VPS13B: variants seen among roughly 807,000 people sequenced by gnomAD.
The protein encoded by VPS13B is intermembrane lipid transfer protein VPS13B.
Under a neutral mutation model 426.4 loss-of-function variants are expected in VPS13B, and 285 were observed. The observed-to-expected ratio is 0.67, with a 90% CI of 0.61 to 0.74. VPS13B has a LOEUF of 0.74. Ranked by LOEUF, VPS13B falls within the 30% of genes least tolerant of loss-of-function variation. VPS13B has a pLI of 0.00. For missense variants in VPS13B, 4,537 were observed against 4,782.6 expected (o/e 0.95, Z 1.51); for synonymous variants, 1,676 against 1,676.4 (o/e 1.00, Z 0.01).
intron 17 of VPS13B, among the ~76,000 whole-genome samples, chr8:99,245,432 C>T (rs1049728272): frequency 3.9e-5 from 6 of 152,156 alleles, no homozygotes; most frequent in South Asian, 2.1e-4. Context: ...TGATTTGAAC[C>T]GCTAAGAACT....
At chr8:99,604,036 A>C (rs1461092010) in intron 33 of VPS13B, among the ~76,000 whole-genome samples, 1 of 152,232 alleles carries the variant, frequency 6.6e-6, no homozygotes, top group Non-Finnish European at 1.5e-5. Flanking sequence ...TGGAGGCATA[A>C]AAACACAATG....
chr8:99,267,627 T>G (rs1303617539), intron 17 of VPS13B, among the ~76,000 whole-genome samples: 1 of 151,648 alleles, frequency 6.6e-6, no homozygotes, highest in African/African-American at 2.4e-5. Context: ...CTTGGGAGGC[T>G]GAGGCAGGAG....
At chr8:99,260,711 C>A (rs1817995013) in intron 17 of VPS13B, among the ~76,000 whole-genome samples, 1 of 151,818 alleles carries the variant, frequency 6.6e-6, no homozygotes, top group African/African-American at 2.4e-5. Context: ...CCCTTTCTAG[C>A]CAATGTGAGT....
Position 99,556,347 on chromosome 8 carries a change from A to G in VPS13B, c.4746-103A>G, listed in dbSNP as rs1824564121. The G allele has an allele frequency of 1.2e-5, 15 of 1,273,092 alleles. No homozygotes were observed. In the Middle Eastern group the frequency reaches 1.3e-3, roughly 110 times the overall value. The allele number at this position is 1,273,092 out of a possible 1,614,324, so 78.9% of individuals were successfully genotyped here. ...AGTTTATTCATCAGTAATCCAAAGG[A>G]AAAAAATGGTATTGACACTATGTTA... On this transcript the variant is annotated intron_variant, in intron 30 of 61. Coordinates refer to ENST00000357162, the MANE Select transcript of VPS13B (RefSeq NM_152564.5).
chr8:99,578,984 G>A lies in VPS13B; in HGVS notation c.5220+1351G>A, dbSNP rs550528215. Among the ~76,000 whole-genome samples the A allele has an allele frequency of 2.6e-5, 4 of 152,148 alleles. No homozygotes were observed. In the East Asian group the frequency reaches 7.7e-4, roughly 29 times the overall value. ...TACTGACAATTCCGTAAACTATATAGGCATTGTTTTCTTCTGCTTTAAAAA... is the reference window on the plus strand; with the variant it reads ...TACTGACAATTCCGTAAACTATATAAGCATTGTTTTCTTCTGCTTTAAAAA... On this transcript the variant is annotated intron_variant, in intron 33 of 61. Coordinates refer to ENST00000357162, the MANE Select transcript of VPS13B (RefSeq NM_152564.5).
chr8:99,179,765 G>T (rs182925513), intron 16 of VPS13B, among the ~76,000 whole-genome samples: 1 of 152,048 alleles, frequency 6.6e-6, no homozygotes, highest in East Asian at 1.9e-4. Context: ...TGAAAACCTC[G>T]CATCTGTTGT....
chr8:99,851,020 T>G (rs981733794), intron 55 of VPS13B, among the ~76,000 whole-genome samples: 12 of 152,370 alleles, frequency 7.9e-5, no homozygotes, highest in Middle Eastern at 6.8e-3. Flanking sequence ...AATTTGAATT[T>G]ATAATATTTC....
intron 30 of VPS13B, among the ~76,000 whole-genome samples, chr8:99,534,942 A>T (rs1260516408): frequency 6.6e-6 from 1 of 152,172 alleles, no homozygotes; most frequent in Non-Finnish European, 1.5e-5. Flanking sequence ...AAAATCTTTG[A>T]CCAACTTCAA....
intron 21 of VPS13B, among the ~76,000 whole-genome samples, chr8:99,398,795 G>C (rs1170543219): frequency 6.7e-6 from 1 of 148,868 alleles, no homozygotes; most frequent in African/African-American, 2.5e-5. Context: ...CCACAAACAA[G>C]TATTTAGGTG....
chr8:99,855,208 C>G (rs1047358141), intron 56 of VPS13B, among the ~76,000 whole-genome samples: 27 of 151,888 alleles, frequency 1.8e-4, no homozygotes. Flanking sequence ...AACCTTGTCT[C>G]TATAAAAAAT....
In VPS13B at chr8:99,875,706, TTTTTGGG is replaced by T; in HGVS notation, c.*44_*50del. On this transcript the variant is annotated 3_prime_UTR_variant, in exon 62 of 62. Transcript: ENST00000357162. ...GTTTATTCCTGCTTGTGTGATTTAG[TTTTTGGG>T]TTTCTTTGAGACAGGGTCTCACTGC... The T allele has an allele frequency of 6.2e-7, 1 of 1,613,782 alleles. No homozygotes were observed. The highest frequency in any genetic ancestry group is 8.5e-7 in the Non-Finnish European group (1 of 1,179,866).
chr8:99,664,888 G>A (rs192580332), intron 35 of VPS13B, among the ~76,000 whole-genome samples: 23,975 of 152,054 alleles, frequency 0.16, 2,418 homozygotes, highest in East Asian at 0.39. Flanking sequence ...CTGAGAAATC[G>A]CCACACTGAC....
intron 14 of VPS13B, among the ~76,000 whole-genome samples, chr8:99,152,680 C>T (rs1212527860): frequency 1.3e-5 from 2 of 152,142 alleles, no homozygotes; most frequent in Non-Finnish European, 2.9e-5. Flanking sequence ...TCTTTAGGCA[C>T]ATCCATGTTA....
intron 58 of VPS13B, 65 bp from the exon 59 acceptor site, chr8:99,868,224 A>G (rs1443746652): frequency 1.2e-6 from 2 of 1,604,866 alleles, no homozygotes; most frequent in East Asian, 4.5e-5. Flanking sequence ...TGTGTTCCAG[A>G]TGGAGCCTTT....
intron 33 of VPS13B, among the ~76,000 whole-genome samples, chr8:99,617,473 C>T (rs369605262): frequency 7.9e-5 from 12 of 152,044 alleles, no homozygotes; most frequent in African/African-American, 2.9e-4. Flanking sequence ...GATATGGGCA[C>T]GCATCACCAC....
At chr8:99,639,429 G>A (rs1362691413) in intron 33 of VPS13B, among the ~76,000 whole-genome samples, 1 of 152,082 alleles carries the variant, frequency 6.6e-6, no homozygotes, top group African/African-American at 2.4e-5. Context: ...GCACAGTATA[G>A]ACTGCATAGT....
intron 39 of VPS13B, among the ~76,000 whole-genome samples, chr8:99,749,526 C>T (rs985495160): frequency 3.3e-5 from 5 of 152,082 alleles, no homozygotes; most frequent in South Asian, 2.1e-4. Context: ...TTTCATTTAA[C>T]GTAATGTCCT....
intron 34 of VPS13B, among the ~76,000 whole-genome samples, chr8:99,657,267 T>C (rs1331174652): frequency 6.6e-6 from 1 of 152,184 alleles, no homozygotes; most frequent in Non-Finnish European, 1.5e-5. Flanking sequence ...AACTCTTATC[T>C]ACATTATCAG....
At chr8:99,661,240 C>A in intron 34 of VPS13B, 114 bp from the exon 35 acceptor site, 2 of 1,314,012 alleles carry the variant, frequency 1.5e-6, no homozygotes, top group Non-Finnish European at 2.2e-6. Context: ...AACAATGAAG[C>A]TTGCAAACAG....
Sources: allele counts gnomAD v4.1 joint callset (sites outside exome capture counted in the v4.1 genomes callset), GRCh38; gene constraint gnomAD v4.1.1; transcripts MANE v1.5; gene names NCBI Gene and HGNC (gene_info 2026-07-23, HGNC 2026-07-21).